The following SEMA6A variants were observed in gnomAD, a reference collection of about 807,000 sequenced individuals.
SEMA6A encodes semaphorin-6A.
Under a neutral mutation model 96.8 loss-of-function variants are expected in SEMA6A, and 25 were observed. That is an observed-to-expected ratio of 0.26 (90% CI 0.19 to 0.36). The LOEUF is 0.36. Among genes scored for constraint, SEMA6A ranks in the 10% least tolerant of loss-of-function variants. SEMA6A has a pLI of 1.00. For synonymous variants in SEMA6A, 612 were observed against 518.0 expected (o/e 1.18, Z -2.46); for missense variants, 1,363 against 1,323.1 (o/e 1.03, Z -0.47).
intron 7 of SEMA6A, among the ~76,000 whole-genome samples, chr5:116,491,366 C>T (rs528161660): frequency 6.6e-6 from 1 of 152,176 alleles, no homozygotes; most frequent in Non-Finnish European, 1.5e-5. Flanking sequence ...CCTAGCCAAT[C>T]CCAAAGTCCA....
intron 1 of SEMA6A, among the ~76,000 whole-genome samples, chr5:116,509,610 G>C (rs1031679320): frequency 1.3e-5 from 2 of 151,188 alleles, no homozygotes; most frequent in Admixed American, 6.6e-5. Context: ...GTGTGTGTGA[G>C]AGAGAGAGAG....
At chr5:116,473,122 C>T in intron 16 of SEMA6A, 29 bp from the exon 17 acceptor site, 1 of 1,584,734 alleles carries the variant, frequency 6.3e-7, no homozygotes, top group Non-Finnish European at 8.6e-7. Context: ...GAGAAGGTTA[C>T]TTAATGTTTT....
intron 1 of SEMA6A, among the ~76,000 whole-genome samples, chr5:116,539,975 C>T (rs12515719): frequency 0.013 from 1,970 of 152,138 alleles, 34 homozygotes; most frequent in Admixed American, 0.045. Context: ...AGTAAATGTA[C>T]TTGGGAATTT....
chr5:116,511,798 G>A (rs1241619718), intron 1 of SEMA6A, among the ~76,000 whole-genome samples: 6 of 152,208 alleles, frequency 3.9e-5, no homozygotes, highest in Non-Finnish European at 8.8e-5. Context: ...GTGTTAAGTG[G>A]AGCCACTTGC....
intron 1 of SEMA6A, among the ~76,000 whole-genome samples, chr5:116,523,201 C>T (rs557700662): frequency 3.3e-5 from 5 of 152,208 alleles, no homozygotes; most frequent in African/African-American, 1.2e-4. Context: ...TTTTGGTTCT[C>T]CTTCTCCTCA....
At chr5:116,486,033 G>A (rs1465760965) in intron 10 of SEMA6A, among the ~76,000 whole-genome samples, 1 of 152,166 alleles carries the variant, frequency 6.6e-6, no homozygotes, top group East Asian at 1.9e-4. Flanking sequence ...GGAGTGACTA[G>A]GCTGACACTC....
chr5:116,480,062 G>A, intron 12 of SEMA6A, 60 bp downstream of exon 12: 22 of 1,580,012 alleles, frequency 1.4e-5, no homozygotes, highest in Non-Finnish European at 1.8e-5. Flanking sequence ...CCACTGATTG[G>A]TTCTCCGACA....
intron 1 of SEMA6A, among the ~76,000 whole-genome samples, chr5:116,530,398 T>C (rs1245196295): frequency 6.6e-6 from 1 of 152,188 alleles, no homozygotes; most frequent in East Asian, 1.9e-4. Flanking sequence ...ACGGATTTCA[T>C]ATTAATGCAG....
intron 1 of SEMA6A, among the ~76,000 whole-genome samples, chr5:116,526,482 CG>C (rs1271215089): frequency 6.6e-6 from 1 of 152,142 alleles, no homozygotes; most frequent in African/African-American, 2.4e-5. Context: ...GGTAAACAAA[CG>C]GATCAATGAA....
chr5:116,487,148 G>A (rs1383877850), intron 9 of SEMA6A, 182 bp from the exon 10 acceptor site: 1 of 573,472 alleles, frequency 1.7e-6, no homozygotes, highest in Non-Finnish European at 3.1e-6. Context: ...CATTAGAGTA[G>A]CATGTTTTAA....
At chr5:116,461,932 A>G (rs2112628192) in intron 18 of SEMA6A, among the ~76,000 whole-genome samples, 1 of 152,314 alleles carries the variant, frequency 6.6e-6, no homozygotes, top group East Asian at 1.9e-4. Context: ...GACACCTCAG[A>G]AAATGTTTTT....
intron 1 of SEMA6A, among the ~76,000 whole-genome samples, chr5:116,557,138 A>C (rs1051961154): frequency 6.6e-6 from 1 of 152,236 alleles, no homozygotes; most frequent in Admixed American, 6.5e-5. Context: ...AAATGTGTTG[A>C]AGTTTGAGAA....
chr5:116,449,720 A>G (rs1241763729), intron 18 of SEMA6A: 3 of 186,244 alleles, frequency 1.6e-5, no homozygotes, highest in Non-Finnish European at 3.3e-5. Flanking sequence ...GAAGCAGCAA[A>G]TATCTCTTAA....
At chr5:116,477,361 C>T (rs1420502688) in intron 15 of SEMA6A, among the ~76,000 whole-genome samples, 4 of 152,270 alleles carry the variant, frequency 2.6e-5, no homozygotes, top group East Asian at 3.9e-4. Context: ...TGTTCTTCAG[C>T]GCAGGAAAAG....
At chr5:116,533,692 C>G (rs779686318) in intron 1 of SEMA6A, among the ~76,000 whole-genome samples, 1 of 152,174 alleles carries the variant, frequency 6.6e-6, no homozygotes, top group Non-Finnish European at 1.5e-5. Flanking sequence ...CTCTCAGTAT[C>G]CTGAGGTAGC....
rs77184627 is a variant in SEMA6A, at chr5:116,520,983, A to G, written c.-38-16001T>C. 3.3e-5 allele frequency among the ~76,000 whole-genome samples: 5 copies of G among 152,334 alleles called. No homozygotes were observed. In the East Asian group the frequency reaches 7.7e-4, roughly 23 times the overall value. ...TGTTGTAATAATGTCCCTGGAATCA[A>G]AAGACCAAAAGAAAGTCCTCAGGCT... is the stretch of plus-strand genomic sequence containing the variant. On this transcript the variant is annotated intron_variant, in intron 1 of 18. Coordinates refer to ENST00000343348, the MANE Select transcript of SEMA6A (RefSeq NM_020796.5).
At chr5:116,489,070 T>C in intron 7 of SEMA6A, 63 bp from the exon 8 acceptor site, 1 of 1,483,142 alleles carries the variant, frequency 6.7e-7, no homozygotes, top group Non-Finnish European at 9.0e-7. Flanking sequence ...GGAGGAATAA[T>C]AAAGACATCC....
At chr5:116,564,370 T>C (rs1397050795) in intron 1 of SEMA6A, among the ~76,000 whole-genome samples, 1 of 152,258 alleles carries the variant, frequency 6.6e-6, no homozygotes, top group Non-Finnish European at 1.5e-5. Context: ...TTGCATGTCT[T>C]GAATTCAACA....
Position 116,447,792 on chromosome 5 carries a change from G to C in SEMA6A, c.1914C>G (p.Tyr638Ter). The stretch of plus-strand genomic sequence containing the variant: ...GAACCAGCTGGTCGTGGCCTTTGAG[G>C]TAACTTTCCCGAATCACTCCTGCAA... The part of the protein sequence containing the change: ...QDKKGVIRES[Y>*]LKGHDQLVPV... The change falls in exon 19 of 19, where the codon TAC becomes TAG. Residue 638 changes from tyrosine (Y) to a stop codon, truncating the protein, a stop_gained. Coordinates refer to ENST00000343348, the MANE Select transcript of SEMA6A (RefSeq NM_020796.5). LOFTEE classifies it high-confidence loss of function. 1 of 1,600,292 alleles carries C rather than the reference G, an allele frequency of 6.2e-7. No individual in the cohort carries two copies. The highest frequency in any genetic ancestry group is 8.5e-7 in the Non-Finnish European group (1 of 1,169,994).
Sources: gnomAD v4.1 joint callset for allele counts (sites outside exome capture counted in the v4.1 genomes callset) on GRCh38, gnomAD v4.1.1 for gene constraint, MANE v1.5 for transcripts, NCBI Gene and HGNC (gene_info 2026-07-23, HGNC 2026-07-21) for gene names.